The following TDP1 variants were observed in gnomAD, a reference collection of about 807,000 sequenced individuals.
TDP1 encodes the protein tyrosyl-DNA phosphodiesterase 1, also known as tyr-DNA phosphodiesterase 1.
TDP1 carries 64 observed loss-of-function variants against 81.5 expected under a neutral mutation model. That is an observed-to-expected ratio of 0.79 (90% CI 0.64 to 0.97). The LOEUF (loss-of-function observed/expected upper bound fraction) is 0.97. Among genes scored for constraint, TDP1 ranks in the 50% least tolerant of loss-of-function variants. The pLI is 0.00. For synonymous variants in TDP1, 256 were observed against 264.3 expected, an observed-to-expected ratio of 0.97 and a Z score of 0.30; for missense variants, 723 against 743.8, an observed-to-expected ratio of 0.97 and a Z score of 0.33.
At chr14:89,981,643 G>C (rs929763808) in intron 8 of TDP1, 1 of 342,164 alleles carries the variant, frequency 2.9e-6, no homozygotes, top group Admixed American at 4.1e-5. Context: ...CTAATTTGGA[G>C]TGTATTACTT....
At chr14:89,974,870 A>T in intron 6 of TDP1, among the ~76,000 whole-genome samples, 1 of 152,224 alleles carries the variant, frequency 6.6e-6, no homozygotes, top group East Asian at 1.9e-4. Flanking sequence ...CTTGTGACAT[A>T]TTCTGCTTAA....
At chr14:89,962,320 T>C (rs1477864500) in intron 2 of TDP1, among the ~76,000 whole-genome samples, 1 of 152,150 alleles carries the variant, frequency 6.6e-6, no homozygotes, top group African/African-American at 2.4e-5. Context: ...AGCTTTATGG[T>C]AAATGGGTTG....
chr14:90,043,038 A>G (rs1225767192), intron 16 of TDP1, 32 bp from the exon 17 acceptor site: 1 of 1,613,884 alleles, frequency 6.2e-7, no homozygotes, highest in Non-Finnish European at 8.5e-7. Flanking sequence ...ATCCTATTCA[A>G]ATAAATATTA....
intron 15 of TDP1, among the ~76,000 whole-genome samples, chr14:90,026,462 C>CT (rs1194221305): frequency 6.6e-6 from 1 of 152,118 alleles, no homozygotes; most frequent in East Asian, 1.9e-4. Context: ...AATTTATTTT[C>CT]TTTTTTTTAT....
Position 90,044,180 on chromosome 14 carries a change from TC to T in TDP1, c.*1041del, listed in dbSNP as rs1888613596. 6.6e-6 allele frequency: 1 copy of T among 152,034 alleles called. No individual in the cohort carries two copies. The highest frequency in any genetic ancestry group is 2.4e-5 in the African/African-American group (1 of 41,372). The allele number at this position is 152,034 out of a possible 1,614,324, so 9.4% of individuals were successfully genotyped here. A position where few individuals can be genotyped will look rare whatever the true frequency, so the allele number is the denominator to read the frequency against. Reference sequence around the variant, plus strand: ...CTAGGGTAAATGGGTCTCTCTTCTATCCCCAGAAACTTTCAGAGGAAGCAGC... The same window carrying T: ...CTAGGGTAAATGGGTCTCTCTTCTATCCCAGAAACTTTCAGAGGAAGCAGC... On this transcript the variant is annotated 3_prime_UTR_variant, in exon 17 of 17. Coordinates refer to ENST00000335725, the MANE Select transcript of TDP1 (RefSeq NM_018319.4).
chr14:90,012,532 CT>C (rs1884829805), intron 14 of TDP1, among the ~76,000 whole-genome samples: 1 of 151,978 alleles, frequency 6.6e-6, no homozygotes, highest in South Asian at 2.1e-4. Context: ...TCTATACATC[CT>C]CTGAAATGTA....
intron 3 of TDP1, among the ~76,000 whole-genome samples, chr14:89,965,346 G>A (rs758970266): frequency 7.9e-6 from 1 of 125,892 alleles, no homozygotes; most frequent in South Asian, 2.2e-4. Context: ...AACCCCGACT[G>A]TACCCCTTTC....
intron 15 of TDP1, among the ~76,000 whole-genome samples, chr14:90,025,812 CTT>C (rs1455675881): frequency 2.0e-5 from 3 of 152,174 alleles, no homozygotes; most frequent in Non-Finnish European, 2.9e-5. Context: ...GGTACAAGTA[CTT>C]CTCTCTTTGG....
intron 7 of TDP1, 163 bp from the exon 8 acceptor site, chr14:89,980,377 T>C: frequency 1.1e-6 from 1 of 931,654 alleles, no homozygotes; most frequent in South Asian, 4.9e-5. Flanking sequence ...TTAGGCAGAC[T>C]TTCATCATGG....
intron 7 of TDP1, among the ~76,000 whole-genome samples, chr14:89,977,324 G>T (rs1482100085): frequency 1.3e-5 from 2 of 152,024 alleles, no homozygotes; most frequent in Non-Finnish European, 2.9e-5. Flanking sequence ...TGTTGAGACA[G>T]TCTCGCTCTG....
At chr14:89,981,698 G>C in intron 8 of TDP1, 1 of 282,404 alleles carries the variant, frequency 3.5e-6, no homozygotes. Context: ...TGTTTTGTTT[G>C]TTTTTTTGAG....
chr14:89,990,803 A>C (rs1473653353), intron 12 of TDP1, among the ~76,000 whole-genome samples: 1 of 152,036 alleles, frequency 6.6e-6, no homozygotes, highest in Non-Finnish European at 1.5e-5. Context: ...AGATGTTTGG[A>C]TATAGATCTC....
At chr14:90,036,547 A>C (rs1176220932) in intron 16 of TDP1, among the ~76,000 whole-genome samples, 1 of 152,220 alleles carries the variant, frequency 6.6e-6, no homozygotes, top group Non-Finnish European at 1.5e-5. Flanking sequence ...GAAACCAAGA[A>C]AATGATCAAA....
intron 2 of TDP1, among the ~76,000 whole-genome samples, chr14:89,960,284 T>C (rs537602529): frequency 3.3e-5 from 5 of 152,266 alleles, no homozygotes; most frequent in South Asian, 4.1e-4. Flanking sequence ...GGTTTTTTTT[T>C]CAAACCGGAA....
Position 89,989,041 on chromosome 14 carries a change from T to G in TDP1, c.1268T>G (p.Leu423Arg). Residue 423 changes from leucine to arginine, a missense_variant, in exon 11 of 17, where the codon CTG becomes CGG. Physicochemically the swap from Leu to Arg is moderately radical, Grantham distance 102. Transcript: ENST00000335725. ...GAGTTTAAAGAGAGCATGCTGACAC[T>G]GGGGAAGGAAAGCAAGACTCCAGGA... ...CSEFKESMLT[L>R]GKESKTPGKS... The G allele has an allele frequency of 6.2e-7, 1 of 1,614,150 alleles. No individual in the cohort carries two copies. The highest frequency in any genetic ancestry group is 8.5e-7 in the Non-Finnish European group (1 of 1,179,992).
At position 89,990,570 on chromosome 14, in the gene TDP1, T is replaced by TA. The variant is rs1169058327; in HGVS notation, c.1366+807dup. On this transcript the variant is annotated intron_variant, in intron 12 of 16. Transcript: ENST00000335725. Reference sequence around the variant, plus strand: ...CCCTTTTTTTTTTTTTTTTTTTTTTTAATGGCAAAACCAAAATTACTTCAC... The same window carrying TA: ...CCCTTTTTTTTTTTTTTTTTTTTTTTAAATGGCAAAACCAAAATTACTTCAC... 1.2e-3 allele frequency among the ~76,000 whole-genome samples: 167 copies of TA among 139,964 alleles called. 2 individuals carry two copies. Among genetic ancestry groups the TA allele is most frequent in the African/African-American group, 4.7e-3 (160 of 34,136 alleles). The allele number at this position is 139,964 out of a possible 152,430, so 91.8% of individuals were successfully genotyped here. A position where few individuals can be genotyped will look rare whatever the true frequency, so the allele number is the denominator to read the frequency against.
intron 15 of TDP1, among the ~76,000 whole-genome samples, chr14:90,027,748 A>G (rs1055722267): frequency 2.0e-5 from 3 of 152,300 alleles, no homozygotes; most frequent in South Asian, 2.1e-4. Context: ...TCCTTATTCT[A>G]CTTCCGTAGG....
chr14:90,039,673 TAAA>T (rs35233912), intron 16 of TDP1, among the ~76,000 whole-genome samples: 3,848 of 140,910 alleles, frequency 0.027, 148 homozygotes, highest in African/African-American at 0.09. Flanking sequence ...ATCTGATTAT[TAAA>T]AAAAAAAAAA....
chr14:89,980,138 T>C (rs1216172621), intron 7 of TDP1: 4 of 985,008 alleles, frequency 4.1e-6, no homozygotes, highest in East Asian at 2.3e-4. Flanking sequence ...TATGCTATTT[T>C]AGTTGTTTAA....
Sources: allele counts gnomAD v4.1 joint callset (sites outside exome capture counted in the v4.1 genomes callset), GRCh38; gene constraint gnomAD v4.1.1; transcripts MANE v1.5; gene names NCBI Gene and HGNC (gene_info 2026-07-23, HGNC 2026-07-21).